The following FHIT variants were observed in gnomAD, a reference collection of about 807,000 sequenced individuals.
The protein encoded by FHIT is bis(5'-adenosyl)-triphosphatase.
Under a neutral mutation model 17.9 loss-of-function variants are expected in FHIT, and 19 were observed. That is an observed-to-expected ratio of 1.06 (90% CI 0.74 to 1.56). The LOEUF (loss-of-function observed/expected upper bound fraction) is 1.56. FHIT is among the 40% of genes most tolerant of loss of function. The probability of loss-of-function intolerance (pLI) is 0.00; values close to 1 mark genes in which losing one functional copy is unlikely to be tolerated. For missense variants in FHIT, 248 were observed against 189.2 expected (o/e 1.31, Z -1.82); for synonymous variants, 81 against 69.7 (o/e 1.16, Z -0.81).
At chr3:61,207,105 A>G (rs1270427568) in intron 1 of FHIT, among the ~76,000 whole-genome samples, 1 of 152,154 alleles carries the variant, frequency 6.6e-6, no homozygotes, top group Non-Finnish European at 1.5e-5. Context: ...GGTTCTGTTT[A>G]TATGCTGGAT....
At chr3:60,320,659 A>G (rs1709384276) in intron 5 of FHIT, among the ~76,000 whole-genome samples, 1 of 152,224 alleles carries the variant, frequency 6.6e-6, no homozygotes, top group African/African-American at 2.4e-5. Flanking sequence ...AAATCTTTAA[A>G]AAATGATAAA....
At chr3:61,142,637 A>G (rs1042850477) in intron 2 of FHIT, among the ~76,000 whole-genome samples, 2 of 152,242 alleles carry the variant, frequency 1.3e-5, no homozygotes, top group Non-Finnish European at 2.9e-5. Context: ...CATTACAAAA[A>G]TGACATAGAA....
intron 4 of FHIT, among the ~76,000 whole-genome samples, chr3:60,641,253 GATGC>G (rs1313125500): frequency 1.4e-4 from 22 of 152,256 alleles, no homozygotes; most frequent in African/African-American, 5.3e-4. Context: ...TTGGATGACA[GATGC>G]ATGAGAATCC....
chr3:60,315,770 C>T (rs1166538422), intron 5 of FHIT, among the ~76,000 whole-genome samples: 3 of 152,152 alleles, frequency 2.0e-5, no homozygotes, highest in Non-Finnish European at 4.4e-5. Flanking sequence ...CATACATCTT[C>T]CTGGTGGACA....
At chr3:60,236,261 T>C (rs902584223) in intron 5 of FHIT, among the ~76,000 whole-genome samples, 1 of 149,954 alleles carries the variant, frequency 6.7e-6, no homozygotes. Context: ...ACTTTCTATG[T>C]GTTTGCCACA....
At chr3:60,970,377 T>C (rs1360124770) in intron 3 of FHIT, among the ~76,000 whole-genome samples, 2 of 152,154 alleles carry the variant, frequency 1.3e-5, no homozygotes, top group Admixed American at 6.5e-5. Context: ...GTACCTCACA[T>C]AGTTAGCTTA....
intron 5 of FHIT, among the ~76,000 whole-genome samples, chr3:60,250,621 AGCTCT>A (rs1476450670): frequency 1.2e-4 from 19 of 152,184 alleles, no homozygotes; most frequent in Admixed American, 5.2e-4. Context: ...GGCATTTAAG[AGCTCT>A]GCTAAATTTT....
At chr3:59,956,129 T>C (rs932217460) in intron 7 of FHIT, among the ~76,000 whole-genome samples, 3 of 152,336 alleles carry the variant, frequency 2.0e-5, no homozygotes, top group African/African-American at 7.2e-5. Flanking sequence ...ATGCTTTTTG[T>C]AGAGCCAGGG....
At chr3:61,213,104 G>A (rs1021473701) in intron 1 of FHIT, among the ~76,000 whole-genome samples, 3 of 152,136 alleles carry the variant, frequency 2.0e-5, no homozygotes, top group Non-Finnish European at 4.4e-5. Context: ...CAACTAACGA[G>A]CAAAATAACC....
chr3:60,920,120 T>C (rs7636450), intron 3 of FHIT, among the ~76,000 whole-genome samples: 55,861 of 151,970 alleles, frequency 0.37, 11,018 homozygotes, highest in South Asian at 0.45. Flanking sequence ...GCTCAATGAA[T>C]TTAATTTTTT....
intron 3 of FHIT, among the ~76,000 whole-genome samples, chr3:60,928,367 T>A (rs199560957): frequency 1.4e-3 from 184 of 131,614 alleles, no homozygotes; most frequent in African/African-American, 4.8e-3. Flanking sequence ...GAAAGAACTT[T>A]AAAAAAAAAA....
At position 60,765,300 on chromosome 3, in the gene FHIT, C is replaced by T. The variant is rs140855166; in HGVS notation, c.-18+56619G>A. Reference sequence around the variant, plus strand: ...CAAAAGGAAGTTTAGGGAGTTTAGACACCAAGAGACTGGACCTTCTCAAAA... The same window carrying T: ...CAAAAGGAAGTTTAGGGAGTTTAGATACCAAGAGACTGGACCTTCTCAAAA... On this transcript the variant is annotated intron_variant, in intron 4 of 9. Coordinates refer to ENST00000492590, the MANE Select transcript of FHIT (RefSeq NM_002012.4). 3.9e-5 allele frequency among the ~76,000 whole-genome samples: 6 copies of T among 152,294 alleles called. No homozygotes were observed. The East Asian group carries it at 1.2e-3, about 29-fold the overall frequency.
chr3:60,422,038 G>C (rs538838414), intron 5 of FHIT, among the ~76,000 whole-genome samples: 2 of 152,238 alleles, frequency 1.3e-5, no homozygotes, highest in African/African-American at 4.8e-5. Context: ...GGCAGTGTGA[G>C]GGCATATTCT....
chr3:60,124,550 T>C (rs924448975), intron 5 of FHIT, among the ~76,000 whole-genome samples: 3 of 151,938 alleles, frequency 2.0e-5, no homozygotes, highest in African/African-American at 7.3e-5. Flanking sequence ...ATATGGGGAG[T>C]AGTGCTTCCC....
chr3:61,057,541 A>C (rs2034268677), intron 2 of FHIT, among the ~76,000 whole-genome samples: 1 of 152,222 alleles, frequency 6.6e-6, no homozygotes, highest in African/African-American at 2.4e-5. Flanking sequence ...AAAAAATCAC[A>C]AATCAGATAT....
intron 8 of FHIT, among the ~76,000 whole-genome samples, chr3:59,804,330 A>G (rs1700112781): frequency 6.6e-6 from 1 of 152,224 alleles, no homozygotes; most frequent in Non-Finnish European, 1.5e-5. Flanking sequence ...TTTCAAGGTC[A>G]ATAGCTGTCT....
At chr3:60,854,606 T>C (rs1283338659) in intron 3 of FHIT, among the ~76,000 whole-genome samples, 2 of 149,678 alleles carry the variant, frequency 1.3e-5, no homozygotes, top group Admixed American at 1.4e-4. Flanking sequence ...TTCACTTTCA[T>C]TGTCATAGAC....
intron 5 of FHIT, among the ~76,000 whole-genome samples, chr3:60,029,269 G>A (rs182981485): frequency 5.9e-5 from 9 of 152,206 alleles, no homozygotes; most frequent in Non-Finnish European, 8.8e-5. Context: ...CATGGTTTCC[G>A]CTTGCGTGGT....
chr3:60,491,532 A>C (rs188661009), intron 5 of FHIT, among the ~76,000 whole-genome samples: 21 of 152,360 alleles, frequency 1.4e-4, no homozygotes, highest in African/African-American at 4.8e-4. Context: ...AGCCACAGCC[A>C]GAAGATGTCA....
Sources: gnomAD v4.1 joint callset for allele counts (sites outside exome capture counted in the v4.1 genomes callset) on GRCh38, gnomAD v4.1.1 for gene constraint, MANE v1.5 for transcripts, NCBI Gene and HGNC (gene_info 2026-07-23, HGNC 2026-07-21) for gene names.